Variants in SH3BP2 observed in about 807,000 individuals in gnomAD.
SH3BP2 encodes the protein SH3 domain-binding protein 2.
In SH3BP2, 38 loss-of-function variants were observed where a neutral mutation model predicts 56.2. The ratio of observed to expected loss-of-function variants is 0.68; its 90% CI spans 0.52 to 0.89. The LOEUF (loss-of-function observed/expected upper bound fraction) is 0.89, where lower values mean the gene tolerates loss of function less well. Ranked by LOEUF, SH3BP2 falls within the 40% of genes least tolerant of loss-of-function variation. The pLI, the probability that SH3BP2 is intolerant of heterozygous loss-of-function variation, is 0.00. For missense variants in SH3BP2, 748 were observed against 762.6 expected, an observed-to-expected ratio of 0.98 and a Z score of 0.23; for synonymous variants, 346 against 316.7, an observed-to-expected ratio of 1.09 and a Z score of -0.98.
rs1204764525 is a variant in SH3BP2 at position 2,829,434 on chromosome 4, A to C, written c.587-59A>C. On this transcript the variant is annotated intron_variant, in intron 7 of 12. Coordinates refer to ENST00000503393, the MANE Select transcript of SH3BP2 (RefSeq NM_001122681.2). This position sits in a 1 kb window ranked among gnomAD's most constrained non-coding sequence, Gnocchi z 4.9. ...GTTGGCCTGGCTGACCACTGCCAGC[A>C]GAGGATAGTGTTGGCCCAGTCTCTG... is the stretch of plus-strand genomic sequence containing the variant. 3.2e-6 allele frequency: 5 copies of C among 1,582,384 alleles called. No individual in the cohort carries two copies. In the Admixed American group the frequency reaches 8.3e-5, roughly 26 times the overall value.
intron 1 of SH3BP2, among the ~76,000 whole-genome samples, chr4:2,820,342 T>G (rs1238327728): frequency 6.6e-6 from 1 of 152,132 alleles, no homozygotes; most frequent in Non-Finnish European, 1.5e-5. Context: ...AATGAACCAG[T>G]GGAGAGAAAG....
Position 2,833,499 on chromosome 4 carries a change from C to T in SH3BP2, c.1549-198C>T, listed in dbSNP as rs116352165. 914 of 673,414 alleles carry T rather than the reference C, an allele frequency of 1.4e-3. 4 individuals are homozygous for T. The African/African-American group carries it at 0.014, about 11-fold the overall frequency. The allele number at this position is 673,414 out of a possible 1,614,324, so 41.7% of individuals were successfully genotyped here. A position where few individuals can be genotyped will look rare whatever the true frequency, so the allele number is the denominator to read the frequency against. ...GGTGCAGGCTCCTGGACATGGAGGA[C>T]GGAGGGGAAGTGAGGTGGGAACATG... On this transcript the variant is annotated intron_variant, in intron 12 of 12. Transcript: ENST00000503393.
rs150461713 is a variant in SH3BP2 at position 2,827,241 on chromosome 4, C to G, written c.440C>G (p.Ser147Trp). The change falls in exon 6 of 13, where the codon TCG (serine) becomes TGG (tryptophan). Residue 147 changes from serine to tryptophan, a missense_variant. By Grantham distance (177) the Ser-to-Trp change is radical. Transcript: ENST00000503393. Reference sequence around the variant, plus strand: ...ACCCTGCATTGCAGCGACTCCAGCTCGGACACAGACAGCTTCTACGGCGCA... The same window carrying G: ...ACCCTGCATTGCAGCGACTCCAGCTGGGACACAGACAGCTTCTACGGCGCA... ...DLPLDTSDSSSDTDSFYGAVE... is the reference protein window; with the variant it reads ...DLPLDTSDSSWDTDSFYGAVE... 2.5e-6 allele frequency: 4 copies of G among 1,614,132 alleles called. No individual in the cohort carries two copies. In the South Asian group the frequency reaches 3.3e-5, roughly 13 times the overall value.
chr4:2,802,911 A>C (rs1477164951), intron 1 of SH3BP2, among the ~76,000 whole-genome samples: 1 of 152,088 alleles, frequency 6.6e-6, no homozygotes, highest in Non-Finnish European at 1.5e-5. Context: ...GGGCCCAAGG[A>C]CCCTCAGTGG....
Position 2,834,158 on chromosome 4 carries a change from A to G in SH3BP2, c.*324A>G, listed in dbSNP as rs375261408. Reference sequence around the variant, plus strand: ...TGGTCCCCCCATCACACTCACCCCTAAGTGGGCTGGGAGCCAGGCAGGGCC... The same window carrying G: ...TGGTCCCCCCATCACACTCACCCCTGAGTGGGCTGGGAGCCAGGCAGGGCC... On this transcript the variant is annotated 3_prime_UTR_variant, in exon 13 of 13. Transcript: ENST00000503393. 6 of 271,740 alleles carry G rather than the reference A, an allele frequency of 2.2e-5. No homozygotes were observed. In the East Asian group the frequency reaches 4.6e-4, roughly 21 times the overall value. The allele number at this position is 271,740 out of a possible 1,614,324, so 16.8% of individuals were successfully genotyped here.
intron 1 of SH3BP2, among the ~76,000 whole-genome samples, chr4:2,820,098 G>C: frequency 6.6e-6 from 1 of 152,202 alleles, no homozygotes; most frequent in East Asian, 1.9e-4. Context: ...TCCAGCATCT[G>C]AGGCTTGGGA....
intron 1 of SH3BP2, chr4:2,809,889 G>C (rs888774907): frequency 2.5e-5 from 22 of 889,234 alleles, no homozygotes; most frequent in African/African-American, 3.6e-5. Flanking sequence ...TGAGGCACCA[G>C]CTCAGGGGCA....
intron 10 of SH3BP2, 144 bp downstream of exon 10, chr4:2,832,122 C>T (rs1388552251): frequency 2.0e-6 from 2 of 1,007,750 alleles, no homozygotes; most frequent in Admixed American, 3.9e-5. Context: ...GAGTGGACCT[C>T]CCTGCTCTGT....
chr4:2,812,385 G>A, intron 1 of SH3BP2: 1 of 1,550,388 alleles, frequency 6.4e-7, no homozygotes, highest in Non-Finnish European at 8.7e-7. Flanking sequence ...TGGGCTGGTG[G>A]CCCCTGAGCC....
rs1725091741 is a variant in SH3BP2, at chr4:2,833,185, C to G, written c.1548+136C>G. The stretch of plus-strand genomic sequence containing the variant: ...CAGGATACCGCCCTCCCCTTCCCCT[C>G]CACCATCGCTCACCCCCCACCCCTC... On this transcript the variant is annotated intron_variant, in intron 12 of 12. Coordinates refer to ENST00000503393, the MANE Select transcript of SH3BP2 (RefSeq NM_001122681.2). 13 of 776,916 alleles carry G rather than the reference C, an allele frequency of 1.7e-5. No individual in the cohort carries two copies. In the South Asian group the frequency reaches 1.7e-4, roughly 10 times the overall value. The allele number at this position is 776,916 out of a possible 1,614,324, so 48.1% of individuals were successfully genotyped here.
intron 5 of SH3BP2, among the ~76,000 whole-genome samples, chr4:2,825,573 C>T (rs1724569317): frequency 6.6e-6 from 1 of 151,434 alleles, no homozygotes; most frequent in African/African-American, 2.4e-5. Flanking sequence ...CACACACAAA[C>T]ACAGAGCAAC....
rs562270623 is a variant in SH3BP2 at position 2,839,734 on chromosome 4, AT to A, written c.*5916del. Reference sequence around the variant, plus strand: ...AGTCACGCACTTCCATGTCCAGATAATTTTTTTTTTTTTTTTAGAGATAGGA... The same window carrying A: ...AGTCACGCACTTCCATGTCCAGATAATTTTTTTTTTTTTTTAGAGATAGGA... On this transcript the variant is annotated 3_prime_UTR_variant, in exon 13 of 13. Coordinates refer to ENST00000503393, the MANE Select transcript of SH3BP2 (RefSeq NM_001122681.2). 2,125 of 140,668 alleles carry A rather than the reference AT, an allele frequency of 0.015. 18 individuals carry two copies. Among genetic ancestry groups the A allele is most frequent in the African/African-American group, 0.034 (1,311 of 38,724 alleles). 8.7% of individuals were successfully genotyped at this position (140,668 alleles called of 1,614,324 possible).
At chr4:2,823,103 C>T in intron 3 of SH3BP2, 66 bp downstream of exon 3, 6 of 1,146,738 alleles carry the variant, frequency 5.2e-6, no homozygotes, top group Non-Finnish European at 6.5e-6. Context: ...CAGCAGAGCC[C>T]CAGCTGGGCC....
intron 2 of SH3BP2, among the ~76,000 whole-genome samples, chr4:2,822,416 C>G (rs1170875501): frequency 1.3e-5 from 2 of 152,202 alleles, no homozygotes; most frequent in Non-Finnish European, 2.9e-5. Context: ...GTCACCCAGG[C>G]TGGAGTGCAG....
intron 1 of SH3BP2, among the ~76,000 whole-genome samples, chr4:2,804,864 G>A (rs1723466037): frequency 1.3e-5 from 2 of 152,276 alleles, no homozygotes; most frequent in African/African-American, 4.8e-5. Context: ...CACTAGCCAC[G>A]CTGGCTGGGT....
rs771227458 is a variant in SH3BP2 at position 2,829,718 on chromosome 4, C to G, written c.812C>G (p.Pro271Arg). The G allele has an allele frequency of 1.2e-6, 2 of 1,612,862 alleles. No homozygotes were observed. Among genetic ancestry groups the G allele is most frequent in the South Asian group, 2.2e-5 (2 of 91,076 alleles). ...PRRAEPCPRV[P>R]ATPRRMSDPP... ...CGGGCTGAGCCTTGCCCCAGGGTAC[C>G]TGCTACCCCCCGAAGGATGAGCGAT... Residue 271 changes from proline to arginine, a missense_variant, in exon 8 of 13, where the codon CCT (proline) becomes CGT (arginine). Physicochemically the swap from Pro to Arg is moderately radical, Grantham distance 103 (BLOSUM62 -2). This residue lies in a region of SH3BP2 where 635 missense variants were observed against 615.0 expected (regional missense o/e 1.03). Transcript: ENST00000503393. The surrounding 1 kb of genome is among the most constrained non-coding windows in gnomAD (Gnocchi z 4.9).
In SH3BP2 at chr4:2,798,036, A is replaced by G. The variant is rs1346351377; in HGVS notation, c.-5+4898A>G. On this transcript the variant is annotated intron_variant, in intron 1 of 12. Transcript: ENST00000503393. ...GCTTTGGTCTCCCACGAAACTCTTC[A>G]GGTTTCCATCACAGCCTCCTCCCTT... Among the ~76,000 whole-genome samples the G allele has an allele frequency of 2.0e-5, 3 of 152,132 alleles. No homozygotes were observed. The East Asian group carries it at 5.8e-4, about 29-fold the overall frequency.
At chr4:2,833,197 AC>A (rs1039422523) in intron 12 of SH3BP2, 148 bp downstream of exon 12, 55 of 715,844 alleles carry the variant, frequency 7.7e-5, no homozygotes, top group Non-Finnish European at 1.2e-4. Context: ...ACCATCGCTC[AC>A]CCCCCACCCC....
intron 11 of SH3BP2, 140 bp from the exon 12 acceptor site, chr4:2,832,850 G>T: frequency 1.2e-6 from 1 of 826,716 alleles, no homozygotes; most frequent in Admixed American, 1.8e-5. Context: ...TGTGCAGGTG[G>T]TCTGGAGTCC....
Sources: gnomAD v4.1 joint callset for allele counts (sites outside exome capture counted in the v4.1 genomes callset) on GRCh38, gnomAD v4.1.1 for gene constraint, gnomAD v4.1.1 regional missense constraint, Gnocchi (gnomAD v3.1) non-coding constraint, MANE v1.5 for transcripts, NCBI Gene and HGNC (gene_info 2026-07-23, HGNC 2026-07-21) for gene names.